EPHA5: variants seen among roughly 807,000 people sequenced by gnomAD.
EPHA5 encodes EPH receptor A5.
EPHA5 carries 60 observed loss-of-function variants against 105.0 expected under a neutral mutation model. That is an observed-to-expected ratio of 0.57 (90% CI 0.46 to 0.71). EPHA5 has a LOEUF of 0.71. EPHA5 is among the 30% of genes least tolerant of loss of function. The probability of loss-of-function intolerance (pLI) is 0.00; values close to 1 mark genes in which losing one functional copy is unlikely to be tolerated. For missense variants in EPHA5, 1,218 were observed against 1,274.7 expected (o/e 0.96, Z 0.68); for synonymous variants, 513 against 449.1 (o/e 1.14, Z -1.80).
chr4:65,343,864 T>C (rs1721966077), intron 14 of EPHA5, among the ~76,000 whole-genome samples: 2 of 152,150 alleles, frequency 1.3e-5, no homozygotes, highest in South Asian at 4.1e-4. Flanking sequence ...GTGTTTTTTT[T>C]TTCTTTAAAC....
chr4:65,632,135 T>A (rs113226899), intron 2 of EPHA5, among the ~76,000 whole-genome samples: 3 of 152,214 alleles, frequency 2.0e-5, no homozygotes, highest in Admixed American at 1.3e-4. Flanking sequence ...GATTAACTAA[T>A]TTGTTACACA....
At chr4:65,344,569 G>A (rs1191742450) in intron 14 of EPHA5, among the ~76,000 whole-genome samples, 1 of 152,084 alleles carries the variant, frequency 6.6e-6, no homozygotes, top group African/African-American at 2.4e-5. Context: ...GGCAAATAAG[G>A]GATGAATGTT....
chr4:65,441,736 T>C (rs936342767), intron 5 of EPHA5, among the ~76,000 whole-genome samples: 9 of 151,868 alleles, frequency 5.9e-5, no homozygotes, highest in Admixed American at 4.6e-4. Flanking sequence ...AACATATTAA[T>C]AAAAAAATGG....
intron 5 of EPHA5, among the ~76,000 whole-genome samples, chr4:65,421,436 G>A (rs1320093920): frequency 6.6e-6 from 1 of 152,096 alleles, no homozygotes; most frequent in Non-Finnish European, 1.5e-5. Flanking sequence ...AAACAACAGA[G>A]GGTTAAGTAA....
intron 3 of EPHA5, among the ~76,000 whole-genome samples, chr4:65,525,806 C>A (rs1350474326): frequency 6.6e-6 from 1 of 151,808 alleles, no homozygotes; most frequent in African/African-American, 2.4e-5. Flanking sequence ...GTTTCTATTT[C>A]TTTCCTTCAA....
chr4:65,620,129 T>TATATATATATATATATATAA (rs10676877), intron 2 of EPHA5, among the ~76,000 whole-genome samples: 1 of 145,384 alleles, frequency 6.9e-6, no homozygotes, highest in Admixed American at 6.9e-5. Flanking sequence ...TATATATATA[T>TATATATATATATATATATAA]TAAATATATG....
rs1719506463 is a variant in EPHA5, at chr4:65,319,952, C to A, written c.*4162G>T. ...CTTCTACTGTGAATACAGTTCCCAGCCTGAATAAACATGACATTTTACCAC... is the reference window on the plus strand; with the variant it reads ...CTTCTACTGTGAATACAGTTCCCAGACTGAATAAACATGACATTTTACCAC... On this transcript the variant is annotated 3_prime_UTR_variant, in exon 17 of 17. Transcript: ENST00000613740. 2 of 229,898 alleles carry A rather than the reference C, an allele frequency of 8.7e-6. No homozygotes were observed. Among genetic ancestry groups the A allele is most frequent in the East Asian group, 6.2e-5 (1 of 16,246 alleles). The allele number at this position is 229,898 out of a possible 1,614,324, so 14.2% of individuals were successfully genotyped here. A position where few individuals can be genotyped will look rare whatever the true frequency, so the allele number is the denominator to read the frequency against.
intron 8 of EPHA5, among the ~76,000 whole-genome samples, chr4:65,383,632 C>T (rs570144558): frequency 2.0e-5 from 3 of 151,960 alleles, no homozygotes; most frequent in South Asian, 2.1e-4. Context: ...CACTCTAGAG[C>T]GCATATCCTA....
chr4:65,401,253 C>T (rs906557532), intron 8 of EPHA5, among the ~76,000 whole-genome samples: 1 of 151,976 alleles, frequency 6.6e-6, no homozygotes, highest in African/African-American at 2.4e-5. Flanking sequence ...ATTTATTTAA[C>T]AAATCTTTAC....
At chr4:65,537,319 T>C (rs1736383393) in intron 3 of EPHA5, among the ~76,000 whole-genome samples, 2 of 151,786 alleles carry the variant, frequency 1.3e-5, no homozygotes, top group Non-Finnish European at 3.0e-5. Context: ...TATAACTATG[T>C]GGTGAGAGAT....
At chr4:65,534,446 C>A (rs1392789752) in intron 3 of EPHA5, among the ~76,000 whole-genome samples, 1 of 152,058 alleles carries the variant, frequency 6.6e-6, no homozygotes, top group Non-Finnish European at 1.5e-5. Flanking sequence ...AACATACAAA[C>A]AAAACCAAAC....
At chr4:65,619,145 C>G (rs887631369) in intron 2 of EPHA5, among the ~76,000 whole-genome samples, 1 of 151,280 alleles carries the variant, frequency 6.6e-6, no homozygotes, top group Non-Finnish European at 1.5e-5. Context: ...GAGACTCCGT[C>G]CAAAAAAAAA....
At chr4:65,617,560 TC>T (rs1340563631) in intron 2 of EPHA5, among the ~76,000 whole-genome samples, 1 of 152,112 alleles carries the variant, frequency 6.6e-6, no homozygotes, top group East Asian at 1.9e-4. Flanking sequence ...CAATTACTTA[TC>T]CCTCCTTTTC....
At chr4:65,626,862 T>C (rs1156820572) in intron 2 of EPHA5, among the ~76,000 whole-genome samples, 3 of 152,246 alleles carry the variant, frequency 2.0e-5, no homozygotes, top group African/African-American at 7.2e-5. Flanking sequence ...ATAAATTATT[T>C]AGTTTCTCAC....
chr4:65,519,354 A>G (rs1485003634), intron 3 of EPHA5, among the ~76,000 whole-genome samples: 3 of 152,120 alleles, frequency 2.0e-5, no homozygotes, highest in African/African-American at 7.2e-5. Flanking sequence ...CTCTCAATAA[A>G]TTAGGTATTG....
intron 3 of EPHA5, among the ~76,000 whole-genome samples, chr4:65,519,223 T>A (rs1192164953): frequency 2.6e-5 from 4 of 151,116 alleles, no homozygotes; most frequent in Admixed American, 6.6e-5. Flanking sequence ...TGCAAATAAA[T>A]AATGCAAATC....
chr4:65,617,623 C>A (rs907316116), intron 2 of EPHA5, among the ~76,000 whole-genome samples: 1 of 152,070 alleles, frequency 6.6e-6, no homozygotes. Flanking sequence ...TGAAATGTTG[C>A]CAGCCTTTTG....
chr4:65,415,485 C>A (rs1723303422), intron 6 of EPHA5, among the ~76,000 whole-genome samples: 1 of 151,872 alleles, frequency 6.6e-6, no homozygotes, highest in African/African-American at 2.4e-5. Context: ...AAACATTTTT[C>A]TTTTAAAGCA....
chr4:65,385,194 T>C (rs1719963099), intron 8 of EPHA5, among the ~76,000 whole-genome samples: 1 of 151,464 alleles, frequency 6.6e-6, no homozygotes, highest in African/African-American at 2.4e-5. Flanking sequence ...AAAAATAACA[T>C]CAATTAAAAA....
Sources: gnomAD v4.1 joint callset for allele counts (sites outside exome capture counted in the v4.1 genomes callset) on GRCh38, gnomAD v4.1.1 for gene constraint, MANE v1.5 for transcripts, NCBI Gene and HGNC (gene_info 2026-07-23, HGNC 2026-07-21) for gene names.